SLC26A7: variants seen among roughly 807,000 people sequenced by gnomAD.
SLC26A7 encodes anion exchange transporter.
A neutral mutation model predicts 82.5 loss-of-function variants in SLC26A7; 59 were observed. That is an observed-to-expected ratio of 0.72 (90% CI 0.58 to 0.89). The LOEUF is 0.89. Among genes scored for constraint, SLC26A7 ranks in the 40% least tolerant of loss-of-function variants. The pLI is 0.00. For synonymous variants in SLC26A7, 271 were observed against 274.3 expected (o/e 0.99, Z 0.12); for missense variants, 820 against 793.0 (o/e 1.03, Z -0.41).
intron 2 of SLC26A7, among the ~76,000 whole-genome samples, chr8:91,224,580 C>A (rs1260960021): frequency 2.6e-5 from 4 of 152,178 alleles, no homozygotes; most frequent in African/African-American, 4.8e-5. Context: ...GGACCTCTGA[C>A]CTTGAGAGGC....
chr8:91,247,450 A>ATAAAT (rs1810560483), upstream of SLC26A7, among the ~76,000 whole-genome samples: 2 of 152,272 alleles, frequency 1.3e-5, no homozygotes, highest in South Asian at 4.1e-4. Flanking sequence ...ATTGCTGATT[A>ATAAAT]TAAATAGGCA....
At chr8:91,367,542 C>G (rs972487455) in intron 14 of SLC26A7, among the ~76,000 whole-genome samples, 1 of 150,350 alleles carries the variant, frequency 6.7e-6, no homozygotes, top group Non-Finnish European at 1.5e-5. Context: ...AATCCTTAAG[C>G]CTCTGTAATG....
intron 5 of SLC26A7, among the ~76,000 whole-genome samples, chr8:91,332,040 A>G (rs1813095475): frequency 6.6e-6 from 1 of 150,446 alleles, no homozygotes; most frequent in South Asian, 2.1e-4. Context: ...TCTAGAATTT[A>G]TTTTGTTCTG....
intron 2 of SLC26A7, among the ~76,000 whole-genome samples, chr8:91,242,380 T>C (rs925118208): frequency 6.6e-6 from 1 of 152,188 alleles, no homozygotes; most frequent in Non-Finnish European, 1.5e-5. Context: ...TGTAACTATG[T>C]CTGGCTTTTA....
intron 2 of SLC26A7, among the ~76,000 whole-genome samples, chr8:91,229,733 T>C (rs909734284): frequency 9.9e-5 from 15 of 152,180 alleles, no homozygotes; most frequent in African/African-American, 3.6e-4. Context: ...ATATGGAGCA[T>C]TGCCACCACC....
chr8:91,291,128 G>A (rs1811856734), intron 3 of SLC26A7, among the ~76,000 whole-genome samples: 1 of 151,974 alleles, frequency 6.6e-6, no homozygotes, highest in Non-Finnish European at 1.5e-5. Flanking sequence ...TATTTATTAG[G>A]TAATTTATTA....
chr8:91,377,721 G>A (rs1266955059), intron 15 of SLC26A7, among the ~76,000 whole-genome samples: 3 of 152,136 alleles, frequency 2.0e-5, no homozygotes, highest in Non-Finnish European at 4.4e-5. Context: ...GCAGATTGTC[G>A]ATTGTCACAG....
chr8:91,295,619 C>A lies in SLC26A7; in HGVS notation c.393C>A (p.Asn131Lys). ...QNMQNLTTQS[N>K]TSVLGLSDFE... is the part of the protein sequence containing the mutation. ...TGCAGAATCTCACCACACAGAGTAA[C>A]ACAAGCGTGCTGGGCTTATCCGACT... Residue 131 changes from asparagine to lysine, a missense_variant, in exon 4 of 19, where the codon AAC (asparagine) becomes AAA (lysine). Transcript: ENST00000276609. The A allele has an allele frequency of 6.2e-7, 1 of 1,614,104 alleles. No homozygotes were observed. The highest frequency in any genetic ancestry group is 8.5e-7 in the Non-Finnish European group (1 of 1,179,990).
intron 5 of SLC26A7, among the ~76,000 whole-genome samples, chr8:91,321,227 A>G (rs75602136): frequency 0.017 from 2,594 of 152,316 alleles, 40 homozygotes; most frequent in Non-Finnish European, 0.025. Flanking sequence ...TCTTGCCACA[A>G]TGAAATATTT....
rs767466153 is a variant in SLC26A7, at chr8:91,369,938, GTTC to G, written c.1675+114_1675+116del. On this transcript the variant is annotated intron_variant, in intron 15 of 18. Coordinates refer to ENST00000276609, the MANE Select transcript of SLC26A7 (RefSeq NM_052832.4). ...TCCTCCTCATCTGCCTCCCTCTTCTGTTCTTCTTCTTTTTCTCTCCTAATTGTC... is the reference window on the plus strand; with the variant it reads ...TCCTCCTCATCTGCCTCCCTCTTCTGTTCTTCTTTTTCTCTCCTAATTGTC... The G allele has an allele frequency of 6.1e-4, 525 of 865,558 alleles. 3 individuals are homozygous for G. In the East Asian group the frequency reaches 0.013, roughly 21 times the overall value. The allele number at this position is 865,558 out of a possible 1,614,324, so 53.6% of individuals were successfully genotyped here. A position where few individuals can be genotyped will look rare whatever the true frequency, so the allele number is the denominator to read the frequency against.
chr8:91,347,325 A>G (rs916624664), intron 9 of SLC26A7, among the ~76,000 whole-genome samples: 1 of 152,236 alleles, frequency 6.6e-6, no homozygotes, highest in Non-Finnish European at 1.5e-5. Flanking sequence ...GAACAGAAAC[A>G]TAATATGAGC....
At chr8:91,319,767 G>A (rs370749045) in intron 5 of SLC26A7, among the ~76,000 whole-genome samples, 54 of 152,116 alleles carry the variant, frequency 3.5e-4, no homozygotes, top group East Asian at 5.8e-4. Flanking sequence ...CCTGCTTGTC[G>A]GCACATGTGC....
chr8:91,381,671 C>T (rs936726569), intron 15 of SLC26A7, among the ~76,000 whole-genome samples: 15 of 152,092 alleles, frequency 9.9e-5, no homozygotes, highest in African/African-American at 3.4e-4. Context: ...AGTGGCCCTT[C>T]GATACTTGCC....
chr8:91,265,063 C>T (rs1054446221), intron 2 of SLC26A7, among the ~76,000 whole-genome samples: 3 of 152,026 alleles, frequency 2.0e-5, no homozygotes, highest in Non-Finnish European at 4.4e-5. Context: ...TTCACAGCCT[C>T]TACTAACCAC....
chr8:91,314,742 G>A lies in SLC26A7; in HGVS notation c.478-3474G>A, dbSNP rs113689348. Among the ~76,000 whole-genome samples, 202 of 152,236 alleles carry A rather than the reference G, an allele frequency of 1.3e-3. 2 individuals are homozygous for A. Among genetic ancestry groups the A allele is most frequent in the African/African-American group, 4.8e-3 (199 of 41,560 alleles). ...CTCCATGTTAAAGATTTATCTTTTGGTAGGAGGATTTTTTTAAAAGTATAA... is the reference window on the plus strand; with the variant it reads ...CTCCATGTTAAAGATTTATCTTTTGATAGGAGGATTTTTTTAAAAGTATAA... On this transcript the variant is annotated intron_variant, in intron 4 of 18. Transcript: ENST00000276609.
In SLC26A7 at chr8:91,234,823, ACCTACTTCCTTCCTTC is replaced by A. The variant is rs879877703; in HGVS notation, c.-33-14794_-33-14779del. On this transcript the variant is annotated intron_variant, in intron 2 of 5. Coordinates refer to the SLC26A7 transcript ENST00000522862. ...TACCTACCTACCTACCTACCTACCT[ACCTACTTCCTTCCTTC>A]CTTCCTTCCTTCCTTCCTTCCTTCC... Among the ~76,000 whole-genome samples, 403 of 74,330 alleles carry A rather than the reference ACCTACTTCCTTCCTTC, an allele frequency of 5.4e-3. 1 individual carries two copies. The highest frequency in any genetic ancestry group is 0.012 in the Admixed American group (85 of 7,202). 48.8% of individuals were successfully genotyped at this position (74,330 alleles called of 152,430 possible).
chr8:91,393,885 A>AT, intron 17 of SLC26A7, 34 bp downstream of exon 17: 1 of 1,613,100 alleles, frequency 6.2e-7, no homozygotes, highest in Non-Finnish European at 8.5e-7. Flanking sequence ...GTTGAATGTG[A>AT]TTTTTCTGCA....
chr8:91,225,668 T>G (rs1810227373), intron 2 of SLC26A7, among the ~76,000 whole-genome samples: 1 of 137,968 alleles, frequency 7.2e-6, no homozygotes, highest in Non-Finnish European at 1.6e-5. Flanking sequence ...TTTTTTTTTT[T>G]TTTTTTTACC....
chr8:91,279,145 A>ATATATG (rs1263333522), intron 2 of SLC26A7, among the ~76,000 whole-genome samples: 8 of 110,072 alleles, frequency 7.3e-5, no homozygotes, highest in Admixed American at 1.8e-4. Context: ...ATATATATAT[A>ATATATG]TATATATATA....
Sources: gnomAD v4.1 joint callset for allele counts (sites outside exome capture counted in the v4.1 genomes callset) on GRCh38, gnomAD v4.1.1 for gene constraint, MANE v1.5 for transcripts, NCBI Gene and HGNC (gene_info 2026-07-23, HGNC 2026-07-21) for gene names.